The following ANKS1B variants were observed in gnomAD, a reference collection of about 807,000 sequenced individuals.
ANKS1B encodes ankyrin repeat and sterile alpha motif domain containing 1B.
ANKS1B carries 36 observed loss-of-function variants against 148.3 expected under a neutral mutation model. The ratio of observed to expected loss-of-function variants is 0.24; its 90% CI spans 0.19 to 0.32. The LOEUF (loss-of-function observed/expected upper bound fraction) is 0.32, where lower values mean the gene tolerates loss of function less well. ANKS1B is among the 10% of genes least tolerant of loss of function. The pLI, the probability that ANKS1B is intolerant of heterozygous loss-of-function variation, is 1.00. For synonymous variants in ANKS1B, 542 were observed against 560.8 expected, an observed-to-expected ratio of 0.97 and a Z score of 0.47; for missense variants, 1,157 against 1,542.6, an observed-to-expected ratio of 0.75 and a Z score of 4.19.
At chr12:98,907,353 A>G (rs1489898809) in intron 17 of ANKS1B, among the ~76,000 whole-genome samples, 2 of 152,174 alleles carry the variant, frequency 1.3e-5, no homozygotes, top group Non-Finnish European at 2.9e-5. Context: ...ACTGTGGAGC[A>G]TGTGCTGGGC....
At chr12:99,112,969 A>G (rs1470268033) in intron 15 of ANKS1B, among the ~76,000 whole-genome samples, 1 of 152,220 alleles carries the variant, frequency 6.6e-6, no homozygotes, top group Non-Finnish European at 1.5e-5. Context: ...GGGCTCACAG[A>G]TAATGCAGAT....
chr12:99,320,524 G>C (rs972433883), intron 12 of ANKS1B, among the ~76,000 whole-genome samples: 7 of 152,190 alleles, frequency 4.6e-5, no homozygotes, highest in African/African-American at 1.4e-4. Context: ...AGTTCTCGTG[G>C]CATGGTTTTC....
At chr12:99,130,781 C>T (rs983138215) in intron 15 of ANKS1B, among the ~76,000 whole-genome samples, 1 of 152,178 alleles carries the variant, frequency 6.6e-6, no homozygotes, top group African/African-American at 2.4e-5. Context: ...TCCTCACATG[C>T]AAACACTGAA....
At chr12:99,130,037 C>CT (rs774212107) in intron 15 of ANKS1B, among the ~76,000 whole-genome samples, 31 of 151,362 alleles carry the variant, frequency 2.0e-4, no homozygotes, top group African/African-American at 4.1e-4. Context: ...ACACAATAAT[C>CT]TTTTTTTTTG....
chr12:98,845,922 A>C (rs974506588), intron 17 of ANKS1B, among the ~76,000 whole-genome samples: 1 of 151,896 alleles, frequency 6.6e-6, no homozygotes, highest in African/African-American at 2.4e-5. Flanking sequence ...ATGGTTAAAA[A>C]GATACTTTTT....
intron 2 of ANKS1B, among the ~76,000 whole-genome samples, chr12:99,817,506 CT>C (rs59187527): frequency 0.63 from 93,077 of 148,488 alleles, 29,102 homozygotes; most frequent in South Asian, 0.73. Flanking sequence ...CCCTGATTTC[CT>C]TTTTTTTTTT....
Position 99,555,386 on chromosome 12 carries a change from C to T in ANKS1B, c.1273-50745G>A, listed in dbSNP as rs1003732627. On this transcript the variant is annotated intron_variant, in intron 9 of 26. Transcript: ENST00000683438. ...AGATATGGAATCACACACCTTCAAA[C>T]AGAAATAGTTTTACTTTTTCTCTTT... Among the ~76,000 whole-genome samples, 3 of 152,148 alleles carry T rather than the reference C, an allele frequency of 2.0e-5. No individual in the cohort carries two copies. The South Asian group carries it at 6.2e-4, about 32-fold the overall frequency.
At chr12:98,883,246 A>G (rs926220532) in intron 17 of ANKS1B, among the ~76,000 whole-genome samples, 2 of 152,230 alleles carry the variant, frequency 1.3e-5, no homozygotes, top group African/African-American at 4.8e-5. Flanking sequence ...TCTGGATTCC[A>G]AGATTGTGCA....
chr12:99,429,171 G>A (rs75688356), intron 11 of ANKS1B, among the ~76,000 whole-genome samples: 5,767 of 151,612 alleles, frequency 0.038, 382 homozygotes, highest in African/African-American at 0.13. Context: ...ACAAACAAAC[G>A]AAGAGAAAGA....
chr12:99,719,637 TAA>T (rs961955297), intron 8 of ANKS1B, among the ~76,000 whole-genome samples: 1 of 152,170 alleles, frequency 6.6e-6, no homozygotes, highest in African/African-American at 2.4e-5. Context: ...GCAAAAGCAC[TAA>T]AAGTCAATAT....
At chr12:99,308,739 G>C (rs191268628) in intron 12 of ANKS1B, among the ~76,000 whole-genome samples, 3 of 151,772 alleles carry the variant, frequency 2.0e-5, no homozygotes, top group Admixed American at 2.0e-4. Flanking sequence ...AGCCATTTTG[G>C]ATATGGTCTA....
chr12:99,523,551 C>CT (rs71088130), intron 9 of ANKS1B, among the ~76,000 whole-genome samples: 22,355 of 119,544 alleles, frequency 0.19, 2,685 homozygotes, highest in African/African-American at 0.23. Context: ...AAGGCATCTT[C>CT]TTTTTTTTTT....
chr12:99,637,035 GT>G (rs1482358472), intron 9 of ANKS1B, among the ~76,000 whole-genome samples: 65 of 152,304 alleles, frequency 4.3e-4, no homozygotes, highest in African/African-American at 1.5e-3. Flanking sequence ...GCCGGGTGTG[GT>G]GGCTCACACC....
rs181900546 is a variant in ANKS1B at position 99,684,168 on chromosome 12, C to T, written c.1129-28958G>A. Among the ~76,000 whole-genome samples, 12 of 152,104 alleles carry T rather than the reference C, an allele frequency of 7.9e-5. 1 individual carries two copies. The East Asian group carries it at 2.3e-3, about 30-fold the overall frequency. On this transcript the variant is annotated intron_variant, in intron 8 of 26. Coordinates refer to ENST00000683438, the MANE Select transcript of ANKS1B (RefSeq NM_001352186.2). Reference sequence around the variant, plus strand: ...CCAACTCAGTAAAGAAGAAGTCAAACTGTCACTGGTCACCAATGATATGAT... The same window carrying T: ...CCAACTCAGTAAAGAAGAAGTCAAATTGTCACTGGTCACCAATGATATGAT...
intron 1 of ANKS1B, among the ~76,000 whole-genome samples, chr12:99,967,866 C>T (rs1202324115): frequency 6.8e-6 from 1 of 147,840 alleles, no homozygotes; most frequent in African/African-American, 2.5e-5. Flanking sequence ...GAGATCACAC[C>T]ACGGCACTCC....
intron 1 of ANKS1B, among the ~76,000 whole-genome samples, chr12:99,969,935 G>A (rs2095537708): frequency 6.6e-6 from 1 of 152,032 alleles, no homozygotes; most frequent in Non-Finnish European, 1.5e-5. Flanking sequence ...ATAAAAATGG[G>A]GAAGACATTG....
chr12:99,380,530 T>G (rs570497908), intron 12 of ANKS1B, among the ~76,000 whole-genome samples: 1 of 151,732 alleles, frequency 6.6e-6, no homozygotes, highest in South Asian at 2.1e-4. Context: ...CTAAAAAGAG[T>G]CAGTTGTTAA....
At chr12:99,090,262 T>A (rs904141881) in intron 15 of ANKS1B, among the ~76,000 whole-genome samples, 31 of 152,106 alleles carry the variant, frequency 2.0e-4, no homozygotes, top group African/African-American at 6.7e-4. Context: ...ATTTAAAATT[T>A]CTTGTAGTTT....
intron 9 of ANKS1B, among the ~76,000 whole-genome samples, chr12:99,529,392 C>T (rs181124957): frequency 6.6e-6 from 1 of 152,188 alleles, no homozygotes; most frequent in African/African-American, 2.4e-5. Context: ...TTAGCTCACA[C>T]CTGTAATCCC....
Sources: allele counts gnomAD v4.1 joint callset (sites outside exome capture counted in the v4.1 genomes callset), GRCh38; gene constraint gnomAD v4.1.1; transcripts MANE v1.5; gene names NCBI Gene and HGNC (gene_info 2026-07-23, HGNC 2026-07-21).